Variants in NEK11 observed in about 807,000 individuals in gnomAD.
The protein encoded by NEK11 is serine/threonine-protein kinase Nek11.
In NEK11, 72 loss-of-function variants were observed where a neutral mutation model predicts 80.7. That is an observed-to-expected ratio of 0.89 (90% confidence interval 0.74 to 1.08). The LOEUF (loss-of-function observed/expected upper bound fraction) is 1.08. NEK11 is among the 50% of genes least tolerant of loss of function. The pLI is 0.00. For missense variants in NEK11, 764 were observed against 763.6 expected (o/e 1.00, Z -0.01); for synonymous variants, 251 against 260.7 (o/e 0.96, Z 0.36).
chr3:131,077,114 G>A (rs921329273), intron 3 of NEK11, among the ~76,000 whole-genome samples: 3 of 152,158 alleles, frequency 2.0e-5, no homozygotes, highest in South Asian at 2.1e-4. Flanking sequence ...ATGCTAGAAA[G>A]AAAGAAAGCA....
intron 3 of NEK11, among the ~76,000 whole-genome samples, chr3:131,066,769 G>T (rs954443151): frequency 2.0e-5 from 3 of 151,540 alleles, no homozygotes; most frequent in Non-Finnish European, 4.4e-5. Context: ...TTGAACTTGG[G>T]AGGCGGAGGT....
At chr3:131,102,672 G>A (rs1468256099) in intron 4 of NEK11, among the ~76,000 whole-genome samples, 1 of 152,020 alleles carries the variant, frequency 6.6e-6, no homozygotes, top group East Asian at 1.9e-4. Flanking sequence ...GACTTATATG[G>A]TGTCTAACCA....
chr3:131,262,792 T>C (rs1314215599), intron 16 of NEK11, among the ~76,000 whole-genome samples: 1 of 152,138 alleles, frequency 6.6e-6, no homozygotes, highest in Non-Finnish European at 1.5e-5. Flanking sequence ...TAGGTATTTC[T>C]CCTAATGCTA....
intron 4 of NEK11, among the ~76,000 whole-genome samples, chr3:131,102,711 G>A (rs563052995): frequency 6.6e-6 from 1 of 152,120 alleles, no homozygotes; most frequent in Admixed American, 6.5e-5. Context: ...CGTTTTGCAT[G>A]TCATCCTCTC....
At chr3:131,162,808 CATT>C (rs1007060637) in intron 11 of NEK11, among the ~76,000 whole-genome samples, 17 of 152,266 alleles carry the variant, frequency 1.1e-4, no homozygotes, top group Admixed American at 8.5e-4. Context: ...AACGAAATCT[CATT>C]GTTGTTGACA....
chr3:131,050,950 A>G (rs1043158740), intron 3 of NEK11, among the ~76,000 whole-genome samples: 26 of 152,174 alleles, frequency 1.7e-4, no homozygotes, highest in South Asian at 4.1e-4. Context: ...GGATTGCCTT[A>G]GCACCTGAGG....
intron 5 of NEK11, among the ~76,000 whole-genome samples, chr3:131,116,135 C>A (rs1336157470): frequency 6.6e-6 from 1 of 151,902 alleles, no homozygotes; most frequent in African/African-American, 2.4e-5. Context: ...TTCCCCCCAC[C>A]CCATGACAGG....
chr3:131,097,025 G>C (rs368776824), intron 4 of NEK11, among the ~76,000 whole-genome samples: 1 of 151,080 alleles, frequency 6.6e-6, no homozygotes, highest in Admixed American at 6.6e-5. Context: ...TGAGAAGATG[G>C]TTTCCAATTT....
chr3:131,175,051 A>G (rs1403376901), intron 14 of NEK11: 1 of 1,221,942 alleles, frequency 8.2e-7, no homozygotes, highest in Non-Finnish European at 1.0e-6. Context: ...TGCCCTTTAC[A>G]GTTCTGGGCT....
intron 9 of NEK11, 183 bp from the exon 10 acceptor site, chr3:131,154,853 C>T (rs1040848534): frequency 1.8e-6 from 1 of 550,374 alleles, no homozygotes. Flanking sequence ...CCTGACCCTG[C>T]AAGATCTTCT....
At position 131,315,466 on chromosome 3, in the gene NEK11, CCT is replaced by C. The variant is rs1491386379; in HGVS notation, c.1719-34090_1719-34089del. On this transcript the variant is annotated intron_variant, in intron 17 of 17. Transcript: ENST00000383366. ...CCTCTTTTTAAAGCTGAATAATATTCCTGTGTGTGTGTGTGTGTGTGTGTGTG... is the reference window on the plus strand; with the variant it reads ...CCTCTTTTTAAAGCTGAATAATATTCGTGTGTGTGTGTGTGTGTGTGTGTG... 9.3e-5 allele frequency among the ~76,000 whole-genome samples: 9 copies of C among 97,186 alleles called. No homozygotes were observed. In the South Asian group the frequency reaches 3.9e-3, roughly 42 times the overall value. The allele number at this position is 97,186 out of a possible 152,430, so 63.8% of individuals were successfully genotyped here.
At chr3:131,162,845 A>G (rs2091795868) in intron 11 of NEK11, among the ~76,000 whole-genome samples, 1 of 152,194 alleles carries the variant, frequency 6.6e-6, no homozygotes, top group African/African-American at 2.4e-5. Context: ...CCCCAGCAGG[A>G]GACATCACTG....
chr3:131,057,850 CT>C (rs1365306452), intron 3 of NEK11, among the ~76,000 whole-genome samples: 6 of 152,186 alleles, frequency 3.9e-5, no homozygotes, highest in Non-Finnish European at 5.9e-5. Flanking sequence ...CCTGTTCACT[CT>C]GATGGCAGTT....
At chr3:131,212,362 G>A (rs1218739297) in intron 14 of NEK11, among the ~76,000 whole-genome samples, 4 of 152,158 alleles carry the variant, frequency 2.6e-5, no homozygotes, top group Admixed American at 6.5e-5. Flanking sequence ...TGGAAGCTTC[G>A]TCTCAGAGGG....
In NEK11 at chr3:131,349,582, G is replaced by T. The variant is rs868757034; in HGVS notation, c.1744G>T (p.Glu582Ter). The change falls in exon 18 of 18, where the codon GAA (glutamate) becomes TAA (stop). Residue 582 changes from glutamate (E) to a stop codon, truncating the protein, a stop_gained. Coordinates refer to ENST00000383366, the MANE Select transcript of NEK11 (RefSeq NM_024800.5). LOFTEE classifies it low-confidence loss of function (END_TRUNC). The part of the protein sequence containing the change: ...RESAMQKLGT[E>*]VFEEVYNYLK... ...ATCAGCCATGCAGAAGCTGGGGACAGAAGTATTTGAAGAGGTCTATAATTA... is the reference window on the plus strand; with the variant it reads ...ATCAGCCATGCAGAAGCTGGGGACATAAGTATTTGAAGAGGTCTATAATTA... The T allele has an allele frequency of 1.9e-6, 3 of 1,614,118 alleles. No homozygotes were observed. The highest frequency in any genetic ancestry group is 2.5e-6 in the Non-Finnish European group (3 of 1,180,010).
At chr3:131,080,835 T>G (rs541693374) in intron 4 of NEK11, among the ~76,000 whole-genome samples, 45 of 152,144 alleles carry the variant, frequency 3.0e-4, no homozygotes. Flanking sequence ...GGAGGCCAGG[T>G]GTGGTGGCTC....
At position 131,349,753 on chromosome 3, in the gene NEK11, C is replaced by G. The variant is rs2110622057; in HGVS notation, c.1915C>G (p.Pro639Ala). 1 of 1,613,898 alleles carries G rather than the reference C, an allele frequency of 6.2e-7. No homozygotes were observed. The highest frequency in any genetic ancestry group is 8.5e-7 in the Non-Finnish European group (1 of 1,179,792). Residue 639 changes from proline (P) to alanine (A), a missense_variant, in exon 18 of 18, where the codon CCT becomes GCT. Physicochemically the swap from Pro to Ala is conservative, Grantham distance 27. Coordinates refer to ENST00000383366, the MANE Select transcript of NEK11 (RefSeq NM_024800.5). Reference protein sequence around the residue: ...EQLLITMGKEPTLQNHL With the variant: ...EQLLITMGKEATLQNHL Reference sequence around the variant, plus strand: ...GTTGCTGATCACGATGGGAAAAGAACCTACTCTCCAGAACCATCTCTAGGC... The same window carrying G: ...GTTGCTGATCACGATGGGAAAAGAAGCTACTCTCCAGAACCATCTCTAGGC...
At chr3:131,317,743 C>G (rs1033690977) in intron 17 of NEK11, among the ~76,000 whole-genome samples, 2 of 102,610 alleles carry the variant, frequency 1.9e-5, no homozygotes, top group African/African-American at 7.8e-5. Context: ...TAGTGAAACC[C>G]CTGTCTCTAC....
intron 3 of NEK11, among the ~76,000 whole-genome samples, chr3:131,063,457 T>A (rs1172543676): frequency 6.6e-6 from 1 of 152,118 alleles, no homozygotes; most frequent in Non-Finnish European, 1.5e-5. Flanking sequence ...ACAAGACAAC[T>A]CTTGGAGGGC....
Sources: allele counts gnomAD v4.1 joint callset (sites outside exome capture counted in the v4.1 genomes callset), GRCh38; gene constraint gnomAD v4.1.1; transcripts MANE v1.5; gene names NCBI Gene and HGNC (gene_info 2026-07-23, HGNC 2026-07-21).